The following DGKI variants were observed in gnomAD, a reference collection of about 807,000 sequenced individuals.
DGKI encodes DAG kinase iota.
A neutral mutation model predicts 147.5 loss-of-function variants in DGKI; 55 were observed. The ratio of observed to expected loss-of-function variants is 0.37; its 90% CI spans 0.30 to 0.47. The LOEUF is 0.47. DGKI is among the 20% of genes least tolerant of loss of function. DGKI has a pLI of 1.00. For synonymous variants in DGKI, 469 were observed against 477.1 expected (o/e 0.98, Z 0.22); for missense variants, 1,007 against 1,323.8 (o/e 0.76, Z 3.71).
intron 21 of DGKI, among the ~76,000 whole-genome samples, chr7:137,514,922 G>A (rs912078214): frequency 6.6e-6 from 1 of 152,124 alleles, no homozygotes; most frequent in African/African-American, 2.4e-5. Flanking sequence ...TCCTCAAGTA[G>A]TTCCAACACC....
At chr7:137,603,558 TGGAAGGA>T (rs1214301789) in intron 10 of DGKI, among the ~76,000 whole-genome samples, 1 of 152,186 alleles carries the variant, frequency 6.6e-6, no homozygotes, top group Admixed American at 6.5e-5. Flanking sequence ...CAGAACTTAC[TGGAAGGA>T]GAGCAATACA....
chr7:137,581,760 C>G (rs113609216), intron 15 of DGKI, 90 bp downstream of exon 15: 2 of 1,092,812 alleles, frequency 1.8e-6, no homozygotes, highest in African/African-American at 3.1e-5. Flanking sequence ...ACACTGTAAA[C>G]GCGTAAGTGA....
intron 6 of DGKI, among the ~76,000 whole-genome samples, chr7:137,625,889 C>T (rs1346480422): frequency 6.6e-6 from 1 of 152,132 alleles, no homozygotes; most frequent in Non-Finnish European, 1.5e-5. Flanking sequence ...CTCTTGTAAG[C>T]TGTTCTGTTT....
intron 20 of DGKI, among the ~76,000 whole-genome samples, 182 bp from the exon 21 acceptor site, chr7:137,522,148 CAA>C (rs1479432993): frequency 1.3e-5 from 2 of 151,858 alleles, no homozygotes; most frequent in South Asian, 2.1e-4. Flanking sequence ...CTCCAGAAAC[CAA>C]AAGTTTCTGG....
intron 28 of DGKI, among the ~76,000 whole-genome samples, chr7:137,438,131 C>T (rs1379437007): frequency 1.3e-5 from 2 of 151,914 alleles, no homozygotes; most frequent in Non-Finnish European, 2.9e-5. Flanking sequence ...AAAAAGAGCT[C>T]GAACAGATAA....
chr7:137,407,437 A>G (rs893240203), intron 30 of DGKI, among the ~76,000 whole-genome samples: 6 of 152,178 alleles, frequency 3.9e-5, no homozygotes, highest in South Asian at 2.1e-4. Flanking sequence ...TCAAACAGAA[A>G]AAAAAATGAG....
chr7:137,702,717 G>A (rs1458474340), intron 1 of DGKI, among the ~76,000 whole-genome samples: 1 of 152,156 alleles, frequency 6.6e-6, no homozygotes, highest in Non-Finnish European at 1.5e-5. Context: ...TACATTTGGA[G>A]CTTCCCAAAA....
At position 137,382,654 on chromosome 7, in the gene DGKI, A is replaced by G. The variant is rs539782743; in HGVS notation, c.*8566T>C. 4.6e-5 allele frequency: 7 copies of G among 152,110 alleles called. 1 individual carries two copies. The highest frequency in any genetic ancestry group is 1.7e-4 in the African/African-American group (7 of 41,514). 9.4% of individuals were successfully genotyped at this position (152,110 alleles called of 1,614,324 possible). On this transcript the variant is annotated 3_prime_UTR_variant, in exon 33 of 33. Transcript: ENST00000614521. ...ATCAGTTGTTTGAGATTACCATGAG[A>G]ATTTGTGTTACTACTAGGGTCTTCT... is the stretch of plus-strand genomic sequence containing the variant.
chr7:137,442,650 G>A (rs1014727829), intron 28 of DGKI, among the ~76,000 whole-genome samples: 3 of 152,160 alleles, frequency 2.0e-5, no homozygotes, highest in Non-Finnish European at 4.4e-5. Context: ...GACTTAATGG[G>A]CCTGAACATA....
chr7:137,828,677 A>G (rs1423462758), intron 1 of DGKI, among the ~76,000 whole-genome samples: 1 of 152,206 alleles, frequency 6.6e-6, no homozygotes, highest in Admixed American at 6.5e-5. Flanking sequence ...TCAAAGCACC[A>G]GATAGAATCC....
intron 1 of DGKI, among the ~76,000 whole-genome samples, chr7:137,735,449 C>A (rs1337606343): frequency 1.3e-5 from 2 of 152,038 alleles, no homozygotes; most frequent in African/African-American, 4.8e-5. Flanking sequence ...GGCCAAGTAG[C>A]CCTTTTTGTG....
chr7:137,498,713 T>C (rs1298267316), intron 21 of DGKI, among the ~76,000 whole-genome samples: 1 of 152,156 alleles, frequency 6.6e-6, no homozygotes, highest in African/African-American at 2.4e-5. Context: ...CCATGATCTG[T>C]CAAGAAGCTA....
At chr7:137,548,909 C>T (rs1032461420) in intron 20 of DGKI, among the ~76,000 whole-genome samples, 5 of 152,256 alleles carry the variant, frequency 3.3e-5, no homozygotes, top group Non-Finnish European at 4.4e-5. Context: ...TGCAGTGAGC[C>T]AAGAGGGCAC....
chr7:137,436,763 C>A (rs775301813), intron 28 of DGKI, among the ~76,000 whole-genome samples: 5 of 150,548 alleles, frequency 3.3e-5, no homozygotes, highest in Non-Finnish European at 7.4e-5. Context: ...AAAATATTAG[C>A]AAATCAAATC....
intron 3 of DGKI, among the ~76,000 whole-genome samples, chr7:137,677,042 C>T (rs185080381): frequency 7.2e-5 from 11 of 152,262 alleles, no homozygotes; most frequent in African/African-American, 2.2e-4. Flanking sequence ...CCAGTGTTTA[C>T]GCAATTAACC....
intron 1 of DGKI, among the ~76,000 whole-genome samples, chr7:137,761,403 G>A (rs767485246): frequency 1.3e-5 from 2 of 152,250 alleles, no homozygotes; most frequent in South Asian, 2.1e-4. Context: ...TTTCCTTGAC[G>A]TAAATAGCAG....
intron 30 of DGKI, among the ~76,000 whole-genome samples, chr7:137,398,131 T>C (rs1811620453): frequency 6.6e-6 from 1 of 152,206 alleles, no homozygotes; most frequent in Non-Finnish European, 1.5e-5. Flanking sequence ...AAGCCCTTCA[T>C]GATCCCACTT....
intron 19 of DGKI, among the ~76,000 whole-genome samples, chr7:137,555,950 A>G (rs529483856): frequency 6.8e-6 from 1 of 147,312 alleles, no homozygotes. Flanking sequence ...AATTATATTC[A>G]TGATCATAAT....
chr7:137,676,894 G>A (rs2116383697), intron 3 of DGKI, among the ~76,000 whole-genome samples: 1 of 152,088 alleles, frequency 6.6e-6, no homozygotes, highest in Middle Eastern at 3.4e-3. Context: ...TAACAGAAAG[G>A]GATTAAAGGG....
Sources: allele counts gnomAD v4.1 joint callset (sites outside exome capture counted in the v4.1 genomes callset), GRCh38; gene constraint gnomAD v4.1.1; transcripts MANE v1.5; gene names NCBI Gene and HGNC (gene_info 2026-07-23, HGNC 2026-07-21).